OSBP2: variants seen among roughly 807,000 people sequenced by gnomAD.
OSBP2 encodes oxysterol binding protein 2.
A neutral mutation model predicts 96.0 loss-of-function variants in OSBP2; 66 were observed. The observed-to-expected ratio is 0.69, with a 90% CI of 0.56 to 0.84. The LOEUF (loss-of-function observed/expected upper bound fraction) is 0.84, where lower values mean the gene tolerates loss of function less well. Ranked by LOEUF, OSBP2 falls within the 40% of genes least tolerant of loss-of-function variation. The probability of loss-of-function intolerance (pLI) is 0.00; values close to 1 mark genes in which losing one functional copy is unlikely to be tolerated. For missense variants in OSBP2, 1,038 were observed against 1,222.7 expected (o/e 0.85, Z 2.25); for synonymous variants, 525 against 520.9 (o/e 1.01, Z -0.11).
At chr22:30,803,226 A>G (rs2090879472) in intron 2 of OSBP2, 1 of 154,718 alleles carries the variant, frequency 6.5e-6, no homozygotes, top group Admixed American at 6.5e-5. Context: ...GTCCTGGGGC[A>G]TGGGATCTCT....
chr22:30,892,308 A>T lies in OSBP2; in HGVS notation c.1870-814A>T, dbSNP rs190156517. ...CTTCCTATGGGCTCCTTGGGGAGGG[A>T]TCAGCTGAGCTCAGGGCCAGCTAAC... On this transcript the variant is annotated intron_variant, in intron 8 of 13. Transcript: ENST00000332585. Among the ~76,000 whole-genome samples, 3 of 152,172 alleles carry T rather than the reference A, an allele frequency of 2.0e-5. No homozygotes were observed. In the East Asian group the frequency reaches 5.8e-4, roughly 29 times the overall value.
chr22:30,867,136 C>G (rs1226204460), intron 2 of OSBP2, among the ~76,000 whole-genome samples: 1 of 152,156 alleles, frequency 6.6e-6, no homozygotes, highest in East Asian at 1.9e-4. Context: ...CATCAGTGTG[C>G]CTGGGCTGGG....
chr22:30,853,050 A>G (rs777415568), intron 2 of OSBP2, among the ~76,000 whole-genome samples: 1 of 152,166 alleles, frequency 6.6e-6, no homozygotes, highest in Non-Finnish European at 1.5e-5. Flanking sequence ...GTCTTGGTGA[A>G]TGTTTCATGT....
intron 1 of OSBP2, among the ~76,000 whole-genome samples, chr22:30,727,537 C>G (rs1316659714): frequency 6.6e-6 from 1 of 152,068 alleles, no homozygotes; most frequent in East Asian, 1.9e-4. Context: ...GCTCTGTGGA[C>G]AAAGTCATGC....
At chr22:30,858,080 A>G (rs186997180) in intron 2 of OSBP2, among the ~76,000 whole-genome samples, 6 of 151,764 alleles carry the variant, frequency 4.0e-5, no homozygotes, top group Non-Finnish European at 7.4e-5. Flanking sequence ...GGGACCAATC[A>G]TGGGGAGAAT....
chr22:30,849,304 G>C (rs1447544703), intron 2 of OSBP2, among the ~76,000 whole-genome samples: 2 of 152,030 alleles, frequency 1.3e-5, no homozygotes, highest in Non-Finnish European at 2.9e-5. Flanking sequence ...TTAAAGAAAA[G>C]ACAAAATAAA....
At chr22:30,698,290 G>T (rs916410806) in intron 1 of OSBP2, among the ~76,000 whole-genome samples, 6 of 152,112 alleles carry the variant, frequency 3.9e-5, no homozygotes, top group African/African-American at 7.2e-5. Flanking sequence ...TAAAGTGAAA[G>T]AATTTTTAAA....
intron 1 of OSBP2, among the ~76,000 whole-genome samples, chr22:30,696,821 T>A (rs2089047668): frequency 6.7e-6 from 1 of 148,260 alleles, no homozygotes; most frequent in Non-Finnish European, 1.5e-5. Context: ...GCCCGGCTAA[T>A]TTTTTTTTTG....
intron 2 of OSBP2, among the ~76,000 whole-genome samples, chr22:30,853,309 T>C (rs1413374461): frequency 6.6e-6 from 1 of 152,204 alleles, no homozygotes; most frequent in African/African-American, 2.4e-5. Flanking sequence ...CACGTGCACA[T>C]CCAGGAGTTT....
chr22:30,885,911 G>A (rs915969093), intron 3 of OSBP2, among the ~76,000 whole-genome samples: 12 of 152,210 alleles, frequency 7.9e-5, no homozygotes, highest in African/African-American at 2.7e-4. Flanking sequence ...GTTGCTGGGC[G>A]GGCTCTGAGA....
At chr22:30,704,389 A>C (rs1054493884) in intron 1 of OSBP2, among the ~76,000 whole-genome samples, 3 of 152,132 alleles carry the variant, frequency 2.0e-5, no homozygotes, top group African/African-American at 7.2e-5. Context: ...GTGACAACGC[A>C]CGTGAAATGC....
intron 2 of OSBP2, among the ~76,000 whole-genome samples, chr22:30,785,015 C>G (rs1726842774): frequency 1.3e-5 from 2 of 152,152 alleles, no homozygotes; most frequent in African/African-American, 4.8e-5. Context: ...CTCAGGTTAT[C>G]TGCCCACCTT....
chr22:30,818,996 C>G (rs136228), intron 2 of OSBP2, among the ~76,000 whole-genome samples: 67,955 of 151,938 alleles, frequency 0.45, 15,596 homozygotes, highest in Middle Eastern at 0.54. Context: ...GGTTTTAGGA[C>G]GTCACAAAGA....
At chr22:30,694,358 T>C (rs1398522525), upstream of OSBP2, 4 of 1,529,706 alleles carry the variant, frequency 2.6e-6, no homozygotes, top group African/African-American at 1.4e-5. Flanking sequence ...ATGGCTGCCA[T>C]GGGGGGCGGG....
intron 2 of OSBP2, among the ~76,000 whole-genome samples, chr22:30,778,333 A>ACC (rs1555912376): frequency 6.7e-5 from 10 of 148,800 alleles, no homozygotes; most frequent in South Asian, 4.2e-4. Flanking sequence ...ACACACACAC[A>ACC]CCCACTGACA....
In OSBP2 at chr22:30,695,149, G is replaced by A. The variant is rs1396409375; in HGVS notation, c.240G>A (p.Ser80=). ...SEAVSEAVPR[S]EPVSETTSEP... ...CAGTTTCGGAGGCAGTGCCAAGATCGGAACCTGTGTCCGAGACGACGTCTG... is the reference window on the plus strand; with the variant it reads ...CAGTTTCGGAGGCAGTGCCAAGATCAGAACCTGTGTCCGAGACGACGTCTG... The change falls in exon 1 of 14, where the codon TCG becomes TCA. Residue 80 remains serine (S), a synonymous_variant. Transcript: ENST00000332585. 1.9e-6 allele frequency: 3 copies of A among 1,608,378 alleles called. No individual in the cohort carries two copies. Among genetic ancestry groups the A allele is most frequent in the Non-Finnish European group, 2.5e-6 (3 of 1,176,762 alleles).
chr22:30,839,840 A>G (rs1298755747), intron 2 of OSBP2, among the ~76,000 whole-genome samples: 2 of 151,814 alleles, frequency 1.3e-5, no homozygotes, highest in Admixed American at 6.6e-5. Flanking sequence ...GAAGCTCTTT[A>G]GTTTAATTAG....
In OSBP2 at chr22:30,893,559, TC is replaced by T. The variant is rs1020484337; in HGVS notation, c.2088del (p.Ile696MetfsTer10). 6.2e-7 allele frequency: 1 copy of T among 1,614,092 alleles called. No individual in the cohort carries two copies. The highest frequency in any genetic ancestry group is 8.5e-7 in the Non-Finnish European group (1 of 1,179,950). On this transcript the variant is annotated frameshift_variant, in exon 10 of 14. Transcript: ENST00000332585. LOFTEE classifies it high-confidence loss of function. ...AACATCATCGTGGGCAAGCTCTGGA[TC>T]GACCAGGTCAGGGGCGCCCTTGGGG... Reference protein sequence around the residue: ...VHNIIVGKLWIDQSGDIEIVN... With the variant: ...VHNIIVGKLWXDQSGDIEIVN...
At chr22:30,720,302 G>A (rs1337731494) in intron 1 of OSBP2, among the ~76,000 whole-genome samples, 1 of 152,142 alleles carries the variant, frequency 6.6e-6, no homozygotes, top group Non-Finnish European at 1.5e-5. Flanking sequence ...ATCCTGAGTG[G>A]GCTCAGGATC....
Sources: gnomAD v4.1 joint callset for allele counts (sites outside exome capture counted in the v4.1 genomes callset) on GRCh38, gnomAD v4.1.1 for gene constraint, MANE v1.5 for transcripts, NCBI Gene and HGNC (gene_info 2026-07-23, HGNC 2026-07-21) for gene names.